The following EXOC6B variants were observed in gnomAD, a reference collection of about 807,000 sequenced individuals.
The protein encoded by EXOC6B is exocyst complex component 6B, also known as SEC15 homolog B.
Under a neutral mutation model 113.5 loss-of-function variants are expected in EXOC6B, and 54 were observed. That is an observed-to-expected ratio of 0.48 (90% confidence interval 0.38 to 0.60). EXOC6B has a LOEUF of 0.60. EXOC6B is among the 20% of genes least tolerant of loss of function. The probability of loss-of-function intolerance (pLI) is 0.00; values close to 1 mark genes in which losing one functional copy is unlikely to be tolerated. For synonymous variants in EXOC6B, 357 were observed against 339.0 expected (o/e 1.05, Z -0.58); for missense variants, 797 against 977.5 (o/e 0.82, Z 2.46).
chr2:72,523,851 C>T (rs547388998), intron 8 of EXOC6B, among the ~76,000 whole-genome samples: 2 of 149,688 alleles, frequency 1.3e-5, no homozygotes, highest in Non-Finnish European at 3.0e-5. Context: ...TATCTACTGG[C>T]TATTTCCTGG....
chr2:72,562,732 G>C (rs1260042969), intron 7 of EXOC6B, among the ~76,000 whole-genome samples: 1 of 152,040 alleles, frequency 6.6e-6, no homozygotes, highest in Non-Finnish European at 1.5e-5. Flanking sequence ...CCTCTCATAA[G>C]GGCTTTCTTT....
Position 72,671,901 on chromosome 2 carries a change from G to GAGAA in EXOC6B, c.669+46198_669+46201dup, listed in dbSNP as rs776339640. ...GAAGGAAGGAAGGAAGGAAAAGAAA[G>GAGAA]AGAAAGAAAGAAAGAAAAGAAAGAA... On this transcript the variant is annotated intron_variant, in intron 6 of 21. Transcript: ENST00000272427. 1.0e-4 allele frequency among the ~76,000 whole-genome samples: 15 copies of GAGAA among 148,424 alleles called. No homozygotes were observed. The East Asian group carries it at 2.0e-3, about 20-fold the overall frequency.
At chr2:72,361,162 T>A (rs1035618329) in intron 19 of EXOC6B, among the ~76,000 whole-genome samples, 2 of 152,156 alleles carry the variant, frequency 1.3e-5, no homozygotes, top group African/African-American at 4.8e-5. Flanking sequence ...AAGAGTTTTC[T>A]AGGTAAATTC....
chr2:72,613,784 C>T (rs536507898), intron 6 of EXOC6B, among the ~76,000 whole-genome samples: 1 of 151,518 alleles, frequency 6.6e-6, no homozygotes, highest in Non-Finnish European at 1.5e-5. Context: ...ATTAGAGGAT[C>T]GTGGAGAAAA....
At chr2:72,535,319 C>T (rs1207122867) in intron 8 of EXOC6B, among the ~76,000 whole-genome samples, 1 of 152,098 alleles carries the variant, frequency 6.6e-6, no homozygotes, top group African/African-American at 2.4e-5. Context: ...TCTATTAAAG[C>T]ACTAGTTACT....
intron 4 of EXOC6B, 38 bp downstream of exon 4, chr2:72,731,117 A>AT: frequency 6.3e-7 from 1 of 1,577,846 alleles, no homozygotes; most frequent in Non-Finnish European, 8.6e-7. Flanking sequence ...CAAAAAAAAA[A>AT]TTACACCAAG....
intron 20 of EXOC6B, among the ~76,000 whole-genome samples, chr2:72,187,954 C>T (rs1678551258): frequency 6.6e-6 from 1 of 152,226 alleles, no homozygotes; most frequent in Non-Finnish European, 1.5e-5. Flanking sequence ...GGAGCAGGCA[C>T]TTCCAAGCCT....
chr2:72,589,069 G>A (rs1310869609), intron 6 of EXOC6B, among the ~76,000 whole-genome samples: 1 of 151,854 alleles, frequency 6.6e-6, no homozygotes, highest in Non-Finnish European at 1.5e-5. Flanking sequence ...CACCAGAAAA[G>A]AGTCACGATA....
At chr2:72,253,151 T>C (rs1683133635) in intron 20 of EXOC6B, among the ~76,000 whole-genome samples, 1 of 152,106 alleles carries the variant, frequency 6.6e-6, no homozygotes, top group Non-Finnish European at 1.5e-5. Flanking sequence ...TGAGATACCA[T>C]CTCATACCAG....
At chr2:72,566,296 C>A (rs1049801356) in intron 7 of EXOC6B, among the ~76,000 whole-genome samples, 1 of 152,056 alleles carries the variant, frequency 6.6e-6, no homozygotes, top group Admixed American at 6.5e-5. Context: ...GCCTTTTGAA[C>A]CTGGCTTCTT....
rs2105494046 is a variant in EXOC6B, at chr2:72,482,076, C to T, written c.1666-1326G>A. On this transcript the variant is annotated intron_variant, in intron 16 of 21. Coordinates refer to ENST00000272427, the MANE Select transcript of EXOC6B (RefSeq NM_015189.3). ...AACTAATACTACGTCCTGTACCTTC[C>T]AATTATGGACTCATCTAAATAACTC... 1.3e-5 allele frequency among the ~76,000 whole-genome samples: 2 copies of T among 152,222 alleles called. 1 individual carries two copies.
intron 6 of EXOC6B, among the ~76,000 whole-genome samples, chr2:72,584,795 A>G (rs1424201580): frequency 6.6e-6 from 1 of 152,246 alleles, no homozygotes; most frequent in African/African-American, 2.4e-5. Context: ...AAAAATTGAA[A>G]TCATACCAAC....
chr2:72,445,124 C>T (rs967234085), intron 18 of EXOC6B, among the ~76,000 whole-genome samples: 3 of 152,182 alleles, frequency 2.0e-5, no homozygotes, highest in Non-Finnish European at 2.9e-5. Flanking sequence ...TACCCTAAAT[C>T]ATCTCTCTGA....
At chr2:72,821,826 T>C (rs1215030206) in intron 1 of EXOC6B, among the ~76,000 whole-genome samples, 2 of 152,124 alleles carry the variant, frequency 1.3e-5, no homozygotes, top group Non-Finnish European at 2.9e-5. Flanking sequence ...CACTAATGGG[T>C]ACAAGGTTTC....
intron 18 of EXOC6B, among the ~76,000 whole-genome samples, chr2:72,444,468 A>T (rs564064606): frequency 1.3e-5 from 2 of 151,940 alleles, no homozygotes; most frequent in Non-Finnish European, 2.9e-5. Context: ...CCCAGTAGGG[A>T]CTCTGTGTGG....
At chr2:72,203,905 A>G (rs1490969591) in intron 20 of EXOC6B, among the ~76,000 whole-genome samples, 1 of 152,192 alleles carries the variant, frequency 6.6e-6, no homozygotes, top group East Asian at 1.9e-4. Flanking sequence ...TGGGCCTTCA[A>G]GGTATTATAC....
At chr2:72,490,750 T>C (rs1258401489) in intron 16 of EXOC6B, among the ~76,000 whole-genome samples, 3 of 152,168 alleles carry the variant, frequency 2.0e-5, no homozygotes, top group African/African-American at 4.8e-5. Flanking sequence ...GTACTTGTTC[T>C]TCCTATTATT....
At chr2:72,684,875 A>T (rs1573619200) in intron 6 of EXOC6B, among the ~76,000 whole-genome samples, 1 of 152,148 alleles carries the variant, frequency 6.6e-6, no homozygotes, top group East Asian at 1.9e-4. Flanking sequence ...ATGTTCTATA[A>T]CTATTAAGAT....
At chr2:72,625,734 T>C (rs1041196989) in intron 6 of EXOC6B, among the ~76,000 whole-genome samples, 3 of 152,210 alleles carry the variant, frequency 2.0e-5, no homozygotes, top group Non-Finnish European at 2.9e-5. Context: ...TTTTACTGAA[T>C]TGTATAAATA....
Sources: allele counts gnomAD v4.1 joint callset (sites outside exome capture counted in the v4.1 genomes callset), GRCh38; gene constraint gnomAD v4.1.1; transcripts MANE v1.5; gene names NCBI Gene and HGNC (gene_info 2026-07-23, HGNC 2026-07-21).